Variants in NTRK3 observed in about 807,000 individuals in gnomAD.
The protein encoded by NTRK3 is neurotrophic receptor tyrosine kinase 3, also known as NT-3 growth factor receptor.
In NTRK3, 24 loss-of-function variants were observed where a neutral mutation model predicts 91.7. The ratio of observed to expected loss-of-function variants is 0.26; its 90% confidence interval spans 0.19 to 0.37. The LOEUF is 0.37. Ranked by LOEUF, NTRK3 falls within the 10% of genes least tolerant of loss-of-function variation. The pLI, the probability that NTRK3 is intolerant of heterozygous loss-of-function variation, is 1.00. For synonymous variants in NTRK3, 483 were observed against 404.0 expected (o/e 1.20, Z -2.34); for missense variants, 880 against 1,068.9 (o/e 0.82, Z 2.46).
chr15:87,915,960 G>A (rs1396783870), intron 17 of NTRK3, among the ~76,000 whole-genome samples: 1 of 152,142 alleles, frequency 6.6e-6, no homozygotes, highest in Non-Finnish European at 1.5e-5. Context: ...CGGCCCATCT[G>A]CTCTTGGGCT....
At chr15:87,908,948 C>G (rs965588274) in intron 17 of NTRK3, among the ~76,000 whole-genome samples, 1 of 152,092 alleles carries the variant, frequency 6.6e-6, no homozygotes, top group Admixed American at 6.5e-5. Context: ...CCCAGCCAAC[C>G]TACTGCTTGG....
chr15:88,149,372 G>A (rs745870070), intron 5 of NTRK3, among the ~76,000 whole-genome samples: 1 of 152,152 alleles, frequency 6.6e-6, no homozygotes, highest in Non-Finnish European at 1.5e-5. Context: ...CAAGTTTACT[G>A]TTCTGCTGTC....
At chr15:87,896,185 T>C (rs534976665) in intron 17 of NTRK3, among the ~76,000 whole-genome samples, 186 of 152,226 alleles carry the variant, frequency 1.2e-3, no homozygotes, top group Non-Finnish European at 2.2e-3. Flanking sequence ...CTTAAAATAT[T>C]TTACAGGCCA....
chr15:87,885,765 A>G, intron 17 of NTRK3, 30 bp from the exon 18 acceptor site: 1 of 1,057,126 alleles, frequency 9.5e-7, no homozygotes, highest in Non-Finnish European at 1.3e-6. Context: ...CAATAATAAT[A>G]TTAGAAGAAA....
chr15:87,931,351 A>C (rs1473157692), intron 16 of NTRK3: 1 of 389,762 alleles, frequency 2.6e-6, no homozygotes, highest in Non-Finnish European at 5.1e-6. Context: ...TGCCTAGATT[A>C]GAAGCTACCA....
chr15:87,978,639 T>C (rs747715495), intron 14 of NTRK3: 9 of 231,468 alleles, frequency 3.9e-5, no homozygotes, highest in African/African-American at 1.5e-4. Context: ...AGTTTTCTAA[T>C]GTCACACTCA....
chr15:88,040,500 C>T (rs1207279870), intron 13 of NTRK3, among the ~76,000 whole-genome samples: 1 of 152,222 alleles, frequency 6.6e-6, no homozygotes, highest in Non-Finnish European at 1.5e-5. Flanking sequence ...AGGGAATACA[C>T]TGATACATCA....
chr15:87,977,927 T>C (rs2141330801), intron 14 of NTRK3: 1 of 232,594 alleles, frequency 4.3e-6, no homozygotes, highest in East Asian at 6.1e-5. Flanking sequence ...TCTCTACTAG[T>C]GTGCAACACC....
At chr15:87,914,376 C>T (rs2067301556) in intron 17 of NTRK3, among the ~76,000 whole-genome samples, 1 of 152,176 alleles carries the variant, frequency 6.6e-6, no homozygotes, top group Non-Finnish European at 1.5e-5. Flanking sequence ...AGCTGGCTTT[C>T]CCTTGGTGAT....
chr15:88,050,507 GTGTGTGTGTA>G (rs978137924), intron 13 of NTRK3, among the ~76,000 whole-genome samples: 7 of 116,488 alleles, frequency 6.0e-5, no homozygotes, highest in Non-Finnish European at 9.0e-5. Flanking sequence ...GTGTGTGTGT[GTGTGTGTGTA>G]TGTGTGTGTG....
chr15:88,225,916 C>A (rs1052197190), intron 3 of NTRK3, among the ~76,000 whole-genome samples: 2 of 152,200 alleles, frequency 1.3e-5, no homozygotes, highest in African/African-American at 4.8e-5. Context: ...CATGCACAGC[C>A]TGCTGCTGCC....
chr15:88,049,744 T>C (rs1025490001), intron 13 of NTRK3, among the ~76,000 whole-genome samples: 1 of 152,208 alleles, frequency 6.6e-6, no homozygotes, highest in African/African-American at 2.4e-5. Flanking sequence ...TTAAAGACAC[T>C]GTGGTGCAGC....
chr15:88,020,699 A>G (rs934970947), intron 14 of NTRK3, among the ~76,000 whole-genome samples: 1 of 152,190 alleles, frequency 6.6e-6, no homozygotes, highest in Non-Finnish European at 1.5e-5. Context: ...AATTTAGAGA[A>G]GGCAGGTGTC....
intron 18 of NTRK3, among the ~76,000 whole-genome samples, chr15:87,879,742 T>C (rs1346216789): frequency 6.6e-6 from 1 of 152,202 alleles, no homozygotes; most frequent in Non-Finnish European, 1.5e-5. Context: ...ACAGTAAACA[T>C]ACTAATAAAC....
At chr15:87,966,621 G>A (rs559036275) in intron 14 of NTRK3, among the ~76,000 whole-genome samples, 3 of 152,312 alleles carry the variant, frequency 2.0e-5, no homozygotes, top group South Asian at 2.1e-4. Context: ...AGCAGTACAC[G>A]TACCTGCAGC....
At chr15:87,862,265 T>G in exon 19 of NTRK3, 1 of 224,086 alleles carries the variant, frequency 4.5e-6, no homozygotes. Context: ...ACTCCCAAGT[T>G]AGAAATCATC....
At chr15:87,960,236 C>G (rs1303736607) in intron 14 of NTRK3, among the ~76,000 whole-genome samples, 3 of 152,212 alleles carry the variant, frequency 2.0e-5, no homozygotes, top group Non-Finnish European at 4.4e-5. Context: ...CTCAGATGAG[C>G]TAGGGAAATA....
In NTRK3 at chr15:88,141,815, C is replaced by T. The variant is rs999007867; in HGVS notation, c.465-4254G>A. ...AGATGTTTGGGATGTGCCAAGGATG[C>T]TGCCAGGCAAAGGCTTTGTACAAAT... On this transcript the variant is annotated intron_variant, in intron 6 of 18. Transcript: ENST00000394480. Among the ~76,000 whole-genome samples, 5 of 152,216 alleles carry T rather than the reference C, an allele frequency of 3.3e-5. No individual in the cohort carries two copies. In the East Asian group the frequency reaches 9.7e-4, roughly 29 times the overall value.
At chr15:88,122,213 TAC>T (rs2052789938) in intron 13 of NTRK3, among the ~76,000 whole-genome samples, 1 of 152,238 alleles carries the variant, frequency 6.6e-6, no homozygotes, top group African/African-American at 2.4e-5. Flanking sequence ...CATATGGATA[TAC>T]AGAGACATAT....
Sources: allele counts gnomAD v4.1 joint callset (sites outside exome capture counted in the v4.1 genomes callset), GRCh38; gene constraint gnomAD v4.1.1; transcripts MANE v1.5; gene names NCBI Gene and HGNC (gene_info 2026-07-23, HGNC 2026-07-21).